The following SKAP2 variants were observed in gnomAD, a reference collection of about 807,000 sequenced individuals.
SKAP2 encodes the protein src kinase associated phosphoprotein 2, also known as src kinase-associated phosphoprotein 2.
In SKAP2, 28 loss-of-function variants were observed where a neutral mutation model predicts 54.9. The observed-to-expected ratio is 0.51, with a 90% CI of 0.38 to 0.70. The LOEUF (loss-of-function observed/expected upper bound fraction) is 0.70. Among genes scored for constraint, SKAP2 ranks in the 30% least tolerant of loss-of-function variants. SKAP2 has a pLI of 0.00. For missense variants in SKAP2, 356 were observed against 424.1 expected (o/e 0.84, Z 1.41); for synonymous variants, 137 against 134.3 (o/e 1.02, Z -0.14).
intron 9 of SKAP2, among the ~76,000 whole-genome samples, chr7:26,709,978 G>A (rs186955100): frequency 6.6e-6 from 1 of 152,250 alleles, no homozygotes; most frequent in East Asian, 1.9e-4. Flanking sequence ...ATGAAGTTAT[G>A]GGGGATCAGC....
intron 4 of SKAP2, among the ~76,000 whole-genome samples, chr7:26,829,262 G>A (rs934292057): frequency 6.6e-6 from 1 of 152,104 alleles, no homozygotes; most frequent in Non-Finnish European, 1.5e-5. Context: ...TCATGCCTGT[G>A]CTCAACACTT....
chr7:26,861,605 A>ATAACAACC (rs1562639600), intron 1 of SKAP2, among the ~76,000 whole-genome samples: 1 of 148,160 alleles, frequency 6.7e-6, no homozygotes, highest in Non-Finnish European at 1.5e-5. Context: ...TGAGTTAACA[A>ATAACAACC]TAACAACCTC....
At chr7:26,710,126 A>T (rs1787268573) in intron 9 of SKAP2, among the ~76,000 whole-genome samples, 1 of 152,192 alleles carries the variant, frequency 6.6e-6, no homozygotes, top group African/African-American at 2.4e-5. Flanking sequence ...TTAACTAAAG[A>T]CTTTGCACTA....
At chr7:26,671,131 A>G (rs1199518032) in intron 11 of SKAP2, among the ~76,000 whole-genome samples, 3 of 152,130 alleles carry the variant, frequency 2.0e-5, no homozygotes, top group Non-Finnish European at 1.5e-5. Context: ...CAGATTGACT[A>G]ATGTATTTTT....
At chr7:26,835,599 A>G (rs1310717702) in intron 4 of SKAP2, among the ~76,000 whole-genome samples, 2 of 152,184 alleles carry the variant, frequency 1.3e-5, no homozygotes, top group African/African-American at 2.4e-5. Flanking sequence ...AATTGCAACA[A>G]GAAGAATAAA....
At chr7:26,753,742 G>C (rs1480937402) in intron 4 of SKAP2, among the ~76,000 whole-genome samples, 1 of 152,134 alleles carries the variant, frequency 6.6e-6, no homozygotes, top group Admixed American at 6.6e-5. Context: ...CTATGTGCCA[G>C]GCACTGTGAT....
At chr7:26,734,146 C>T (rs976414580) in intron 6 of SKAP2, among the ~76,000 whole-genome samples, 1 of 152,160 alleles carries the variant, frequency 6.6e-6, no homozygotes, top group South Asian at 2.1e-4. Context: ...ATTAAATCCT[C>T]GCTCTGCCTC....
chr7:26,774,740 T>A (rs758874717), intron 4 of SKAP2, among the ~76,000 whole-genome samples: 12 of 152,134 alleles, frequency 7.9e-5, no homozygotes, highest in Admixed American at 2.6e-4. Flanking sequence ...AGTAAAGTGT[T>A]TCATGGTGCT....
At chr7:26,733,208 G>A (rs536350338) in intron 6 of SKAP2, among the ~76,000 whole-genome samples, 3 of 151,884 alleles carry the variant, frequency 2.0e-5, no homozygotes, top group East Asian at 3.9e-4. Flanking sequence ...CTATAAAATT[G>A]TAATAATTTC....
chr7:26,706,398 C>T (rs766633938), intron 9 of SKAP2, among the ~76,000 whole-genome samples: 3 of 152,018 alleles, frequency 2.0e-5, no homozygotes, highest in East Asian at 1.9e-4. Context: ...CTAGCCCTCA[C>T]GTGTCTCATT....
chr7:26,796,719 T>C (rs1783789066), intron 4 of SKAP2, among the ~76,000 whole-genome samples: 1 of 152,252 alleles, frequency 6.6e-6, no homozygotes, highest in Non-Finnish European at 1.5e-5. Context: ...AACATTTCTC[T>C]AGCTTATTCT....
chr7:26,801,641 GAAAC>G (rs1328409683), intron 4 of SKAP2, among the ~76,000 whole-genome samples: 1 of 152,082 alleles, frequency 6.6e-6, no homozygotes, highest in Non-Finnish European at 1.5e-5. Context: ...CTAGAACTGA[GAAAC>G]AAATTCAGTA....
At chr7:26,852,313 T>C (rs557626229) in intron 3 of SKAP2, among the ~76,000 whole-genome samples, 23 of 152,336 alleles carry the variant, frequency 1.5e-4, no homozygotes, top group Non-Finnish European at 3.4e-4. Context: ...ATTAGGTCTG[T>C]ACCCTTTACT....
intron 9 of SKAP2, among the ~76,000 whole-genome samples, chr7:26,721,701 T>C (rs971314441): frequency 6.6e-6 from 1 of 152,214 alleles, no homozygotes; most frequent in Non-Finnish European, 1.5e-5. Context: ...ATGGTTACCA[T>C]TCTCATTACT....
intron 9 of SKAP2, among the ~76,000 whole-genome samples, chr7:26,722,207 G>T (rs530664655): frequency 6.6e-6 from 1 of 152,106 alleles, no homozygotes; most frequent in South Asian, 2.1e-4. Context: ...TAAACACAAA[G>T]AAGTCTTACA....
chr7:26,838,306 C>T (rs1456677020), intron 4 of SKAP2, among the ~76,000 whole-genome samples: 1 of 152,084 alleles, frequency 6.6e-6, no homozygotes, highest in Non-Finnish European at 1.5e-5. Flanking sequence ...CCACTCCTTC[C>T]TATTCAATAC....
chr7:26,703,044 G>A (rs1168658566), intron 9 of SKAP2, among the ~76,000 whole-genome samples: 1 of 152,214 alleles, frequency 6.6e-6, no homozygotes, highest in East Asian at 1.9e-4. Flanking sequence ...AGCTGGAGAA[G>A]GTGCATTTCT....
At chr7:26,848,235 T>C (rs1410349692) in intron 3 of SKAP2, among the ~76,000 whole-genome samples, 1 of 152,148 alleles carries the variant, frequency 6.6e-6, no homozygotes, top group Non-Finnish European at 1.5e-5. Context: ...TTTACCCAAT[T>C]TGTTGCTTGT....
intron 4 of SKAP2, among the ~76,000 whole-genome samples, chr7:26,782,128 T>C (rs894206553): frequency 2.6e-5 from 4 of 152,226 alleles, no homozygotes; most frequent in East Asian, 1.9e-4. Flanking sequence ...TCCTGGCATA[T>C]AGCAGGAGTC....
Sources: gnomAD v4.1 joint callset for allele counts (sites outside exome capture counted in the v4.1 genomes callset) on GRCh38, gnomAD v4.1.1 for gene constraint, MANE v1.5 for transcripts, NCBI Gene and HGNC (gene_info 2026-07-23, HGNC 2026-07-21) for gene names.